TRPM3: variants seen among roughly 807,000 people sequenced by gnomAD.
TRPM3 encodes transient receptor potential cation channel subfamily M member 3.
TRPM3 carries 77 observed loss-of-function variants against 181.2 expected under a neutral mutation model. The ratio of observed to expected loss-of-function variants is 0.42; its 90% CI spans 0.35 to 0.51. TRPM3 has a LOEUF of 0.51. TRPM3 is among the 20% of genes least tolerant of loss of function. TRPM3 has a pLI of 0.01. For synonymous variants in TRPM3, 745 were observed against 796.4 expected, an observed-to-expected ratio of 0.94 and a Z score of 1.09; for missense variants, 1,759 against 2,196.7, an observed-to-expected ratio of 0.80 and a Z score of 3.98.
intron 1 of TRPM3, among the ~76,000 whole-genome samples, chr9:71,013,827 T>A (rs948636748): frequency 6.6e-6 from 1 of 152,052 alleles, no homozygotes; most frequent in African/African-American, 2.4e-5. Context: ...CATTTTCCCC[T>A]TAGTTTTGAT....
rs139428972 is a variant in TRPM3, at chr9:70,925,323, TAAC to T, written c.178-60815_178-60813del. Among the ~76,000 whole-genome samples, 484 of 152,218 alleles carry T rather than the reference TAAC, an allele frequency of 3.2e-3. 6 individuals carry two copies. Among genetic ancestry groups the T allele is most frequent in the African/African-American group, 0.011 (448 of 41,544 alleles). Reference sequence around the variant, plus strand: ...AACAATGTGTGTTCGAGAGTACTGATAACAAATAAATAATGAATCACCACCCTA... The same window carrying T: ...AACAATGTGTGTTCGAGAGTACTGATAAATAAATAATGAATCACCACCCTA... On this transcript the variant is annotated intron_variant, in intron 1 of 25. Transcript: ENST00000677713.
At chr9:71,199,359 C>T (rs1209168681) in intron 1 of TRPM3, among the ~76,000 whole-genome samples, 3 of 152,216 alleles carry the variant, frequency 2.0e-5, no homozygotes, top group Non-Finnish European at 4.4e-5. Flanking sequence ...CTCTGCCTGG[C>T]TTTGGTATCA....
At chr9:70,823,689 GC>G (rs71507014) in intron 6 of TRPM3, among the ~76,000 whole-genome samples, 1 of 151,944 alleles carries the variant, frequency 6.6e-6, no homozygotes, top group Admixed American at 6.5e-5. Flanking sequence ...TACTATGGTT[GC>G]CCCCCTTGAT....
At position 71,320,479 on chromosome 9, in the gene TRPM3, A is replaced by G. The variant is rs543812367; in HGVS notation, c.183+126174T>C. Among the ~76,000 whole-genome samples the G allele has an allele frequency of 2.0e-5, 3 of 152,274 alleles. No homozygotes were observed. In the East Asian group the frequency reaches 5.8e-4, roughly 29 times the overall value. Reference sequence around the variant, plus strand: ...TGGTCAGAGACAAGAGAAGGGAAAAATATCCTTTTCTTAATCAGTATTCTG... The same window carrying G: ...TGGTCAGAGACAAGAGAAGGGAAAAGTATCCTTTTCTTAATCAGTATTCTG... On this transcript the variant is annotated intron_variant, in intron 1 of 24. Transcript: ENST00000357533.
At chr9:70,577,198 T>G (rs1213093753) in intron 22 of TRPM3, among the ~76,000 whole-genome samples, 4 of 152,252 alleles carry the variant, frequency 2.6e-5, no homozygotes, top group Non-Finnish European at 5.9e-5. Flanking sequence ...CTCTCTTGTT[T>G]ACTGCTTTCT....
At position 71,147,424 on chromosome 9, in the gene TRPM3, GACAC is replaced by G. The variant is rs34795244; in HGVS notation, c.184-282917_184-282914del. Among the ~76,000 whole-genome samples, 1,185 of 145,032 alleles carry G rather than the reference GACAC, an allele frequency of 8.2e-3. 22 individuals are homozygous for G. Among genetic ancestry groups the G allele is most frequent in the African/African-American group, 0.029 (1,129 of 39,300 alleles). ...TCTGCCCTCTTGCCTGCAACACACA[GACAC>G]ACACACACACACACACACACACACA... On this transcript the variant is annotated intron_variant, in intron 1 of 24. Transcript: ENST00000357533.
chr9:71,369,927 C>T (rs764370383), intron 1 of TRPM3, among the ~76,000 whole-genome samples: 25 of 152,272 alleles, frequency 1.6e-4, no homozygotes, highest in Admixed American at 7.2e-4. Flanking sequence ...CTGTGTCTCT[C>T]ATTTTGGTAA....
chr9:71,407,352 GA>G (rs906725706), intron 1 of TRPM3, among the ~76,000 whole-genome samples: 2 of 152,166 alleles, frequency 1.3e-5, no homozygotes, highest in Non-Finnish European at 1.5e-5. Context: ...CTGGTACCTG[GA>G]AAACCAGGAT....
intron 7 of TRPM3, among the ~76,000 whole-genome samples, chr9:70,772,846 T>C (rs1026323554): frequency 1.6e-4 from 24 of 151,286 alleles, no homozygotes; most frequent in African/African-American, 5.2e-4. Flanking sequence ...ACATGTCAGG[T>C]GGATTCTCTG....
At chr9:70,695,144 A>G (rs2069933111) in intron 8 of TRPM3, among the ~76,000 whole-genome samples, 1 of 152,158 alleles carries the variant, frequency 6.6e-6, no homozygotes, top group African/African-American at 2.4e-5. Context: ...GATGTATTTT[A>G]TACTCTGGCT....
chr9:71,390,106 A>G (rs776669229), intron 1 of TRPM3, among the ~76,000 whole-genome samples: 2 of 152,078 alleles, frequency 1.3e-5, no homozygotes, highest in Non-Finnish European at 1.5e-5. Flanking sequence ...ATATCAGTAG[A>G]TAGTTAGGTA....
chr9:71,355,577 G>A (rs1210365621), intron 1 of TRPM3, among the ~76,000 whole-genome samples: 1 of 152,188 alleles, frequency 6.6e-6, no homozygotes, highest in African/African-American at 2.4e-5. Flanking sequence ...CACTCAGTGT[G>A]TAGTCATTTC....
intron 1 of TRPM3, among the ~76,000 whole-genome samples, chr9:71,009,543 T>G (rs2097714303): frequency 6.6e-6 from 1 of 152,118 alleles, no homozygotes; most frequent in African/African-American, 2.4e-5. Flanking sequence ...GAAAGACCTC[T>G]ACAATAAAAA....
chr9:70,852,002 C>T (rs887613362), intron 3 of TRPM3, among the ~76,000 whole-genome samples: 2 of 151,550 alleles, frequency 1.3e-5, no homozygotes, highest in African/African-American at 2.4e-5. Flanking sequence ...ACCTGTAATC[C>T]TAGCTACTTG....
intron 3 of TRPM3, among the ~76,000 whole-genome samples, chr9:70,855,957 G>A (rs1031789700): frequency 1.7e-4 from 26 of 152,188 alleles, no homozygotes; most frequent in Admixed American, 7.2e-4. Flanking sequence ...CTCTGGAATT[G>A]GAGGTGTTAT....
Position 70,549,693 on chromosome 9 carries a change from A to AT in TRPM3, c.3575-20_3575-19insA, listed in dbSNP as rs1564275480. The AT allele has an allele frequency of 1.3e-6, 2 of 1,580,074 alleles. No individual in the cohort carries two copies. The highest frequency in any genetic ancestry group is 1.7e-6 in the Non-Finnish European group (2 of 1,170,930). ...AAGAGTTCTGTGGAAAAAAAAAAAA[A>AT]GGAAGTCTTGAGGGAGAGAAGTAAA... On this transcript the variant is annotated intron_variant, in intron 24 of 25. Coordinates refer to ENST00000677713, the MANE Select transcript of TRPM3 (RefSeq NM_001366145.2).
intron 1 of TRPM3, among the ~76,000 whole-genome samples, chr9:71,379,240 T>C (rs1427401644): frequency 1.3e-5 from 2 of 152,082 alleles, no homozygotes; most frequent in Non-Finnish European, 2.9e-5. Context: ...ATCTACACTG[T>C]CCAAGTAGGT....
At chr9:71,393,444 G>T (rs1292894377) in intron 1 of TRPM3, among the ~76,000 whole-genome samples, 1 of 152,146 alleles carries the variant, frequency 6.6e-6, no homozygotes, top group Admixed American at 6.6e-5. Flanking sequence ...TGCTGTAAGT[G>T]CTAATTAAGA....
At chr9:71,094,412 GA>G (rs1166357068) in intron 1 of TRPM3, among the ~76,000 whole-genome samples, 1 of 152,098 alleles carries the variant, frequency 6.6e-6, no homozygotes, top group African/African-American at 2.4e-5. Context: ...ATTTAGAATT[GA>G]AAATTTGAAT....
Sources: allele counts gnomAD v4.1 joint callset (sites outside exome capture counted in the v4.1 genomes callset), GRCh38; gene constraint gnomAD v4.1.1; transcripts MANE v1.5; gene names NCBI Gene and HGNC (gene_info 2026-07-23, HGNC 2026-07-21).